Variants in GPM6B observed in about 807,000 individuals in gnomAD.
The protein encoded by GPM6B is neuronal membrane glycoprotein M6-b.
Under a neutral mutation model 27.2 loss-of-function variants are expected in GPM6B, and 4 were observed. That is an observed-to-expected ratio of 0.15 (90% CI 0.07 to 0.34). The LOEUF is 0.34. GPM6B is among the 10% of genes least tolerant of loss of function. GPM6B has a pLI of 1.00. For synonymous variants in GPM6B, 124 were observed against 103.1 expected, an observed-to-expected ratio of 1.20 and a Z score of -1.23; for missense variants, 183 against 261.9, an observed-to-expected ratio of 0.70 and a Z score of 2.08.
At chrX:13,795,622 C>A (rs1406558225) in intron 2 of GPM6B, among the ~76,000 whole-genome samples, 1 of 110,866 alleles carries the variant, frequency 9.0e-6, no homozygotes, top group African/African-American at 3.3e-5. Flanking sequence ...ATATTATTTT[C>A]TTTTTGAAAA....
intron 5 of GPM6B, among the ~76,000 whole-genome samples, chrX:13,778,270 G>A (rs745721002): frequency 4.1e-4 from 45 of 111,054 alleles, no homozygotes; most frequent in African/African-American, 1.3e-3. Context: ...GCTGGTCTTT[G>A]AACTCCCGAC....
intron 1 of GPM6B, among the ~76,000 whole-genome samples, chrX:13,921,220 G>A (rs1244538832): frequency 8.9e-6 from 1 of 112,192 alleles, no homozygotes; most frequent in Non-Finnish European, 1.9e-5. Context: ...CCTGAAAGAT[G>A]CCCTTCAGAA....
chrX:13,877,532 A>T (rs1465930839), intron 1 of GPM6B, among the ~76,000 whole-genome samples: 3 of 110,400 alleles, frequency 2.7e-5, no homozygotes, highest in Admixed American at 9.7e-5. Context: ...CTAATATTTT[A>T]AAAAAATGAA....
chrX:13,846,262 G>A (rs1653499219), intron 1 of GPM6B, among the ~76,000 whole-genome samples: 1 of 110,449 alleles, frequency 9.1e-6, no homozygotes, highest in African/African-American at 3.3e-5. Flanking sequence ...AGCATTTCTA[G>A]GCTCAGTTGT....
At position 13,794,111 on chromosome X, in the gene GPM6B, G is replaced by A. The variant is rs186995809; in HGVS notation, c.182-8303C>T. On this transcript the variant is annotated intron_variant, in intron 2 of 7. Coordinates refer to ENST00000316715, the MANE Select transcript of GPM6B (RefSeq NM_001001995.3). Reference sequence around the variant, plus strand: ...AGGCAGGGTTGAGTTGTTGCCACAGGTATTTACTATGTGGCCCTTTAAAGG... The same window carrying A: ...AGGCAGGGTTGAGTTGTTGCCACAGATATTTACTATGTGGCCCTTTAAAGG... Among the ~76,000 whole-genome samples, 139 of 111,109 alleles carry A rather than the reference G, an allele frequency of 1.3e-3. 1 individual carries two copies. Among genetic ancestry groups the A allele is most frequent in the African/African-American group, 4.4e-3 (134 of 30,624 alleles).
intron 1 of GPM6B, among the ~76,000 whole-genome samples, chrX:13,839,561 T>C (rs1419990592): frequency 9.0e-6 from 1 of 111,137 alleles, no homozygotes; most frequent in Non-Finnish European, 1.9e-5. Flanking sequence ...GAGTCTCCAG[T>C]CATTGATCCT....
intron 1 of GPM6B, among the ~76,000 whole-genome samples, chrX:13,901,232 G>A (rs1232266112): frequency 9.0e-6 from 1 of 111,439 alleles, no homozygotes; most frequent in African/African-American, 3.3e-5. Context: ...AGTGGTCACT[G>A]AGGCAGCTAA....
intron 4 of GPM6B, 94 bp downstream of exon 4, chrX:13,783,271 C>T (rs2048551174): frequency 9.1e-6 from 7 of 765,996 alleles, no homozygotes; most frequent in Admixed American, 6.7e-5. Context: ...CATTCACGCT[C>T]GATACCTGGT....
At chrX:13,899,531 T>C (rs1473643404) in intron 1 of GPM6B, among the ~76,000 whole-genome samples, 1 of 107,321 alleles carries the variant, frequency 9.3e-6, no homozygotes, top group Non-Finnish European at 1.9e-5. Context: ...GATACAAAAA[T>C]GTAGCCTGGG....
At chrX:13,832,836 T>TAGAA (rs1322390100) in intron 1 of GPM6B, among the ~76,000 whole-genome samples, 1 of 111,603 alleles carries the variant, frequency 9.0e-6, no homozygotes, top group Admixed American at 9.6e-5. Context: ...TCCTATTGGG[T>TAGAA]AGAAAGGGCA....
intron 1 of GPM6B, 60 bp downstream of exon 1, chrX:13,816,784 C>T (rs2049242585): frequency 8.6e-7 from 1 of 1,161,546 alleles, no homozygotes; most frequent in African/African-American, 1.8e-5. Context: ...CCCAGCTAAC[C>T]CTTTTTAAGC....
chrX:13,925,671 T>A (rs185882969), intron 1 of GPM6B, among the ~76,000 whole-genome samples: 29 of 110,701 alleles, frequency 2.6e-4, no homozygotes, highest in African/African-American at 9.5e-4. Context: ...TGCAAAAACA[T>A]CTTGGGGTAC....
chrX:13,900,241 T>C (rs1333770142), intron 1 of GPM6B, among the ~76,000 whole-genome samples: 1 of 112,047 alleles, frequency 8.9e-6, no homozygotes, highest in African/African-American at 3.2e-5. Flanking sequence ...TCAGTGACAT[T>C]TACAAAAAGA....
intron 1 of GPM6B, among the ~76,000 whole-genome samples, chrX:13,891,530 C>T (rs981584002): frequency 8.9e-6 from 1 of 112,252 alleles, no homozygotes; most frequent in Non-Finnish European, 1.9e-5. Context: ...CTTTTGGGGG[C>T]GGAAACACAG....
At chrX:13,823,601 C>T (rs1460434000) in intron 1 of GPM6B, among the ~76,000 whole-genome samples, 1 of 108,175 alleles carries the variant, frequency 9.2e-6, no homozygotes, top group East Asian at 2.9e-4. Flanking sequence ...CTCCCTGCAA[C>T]CTCTGCCTCT....
intron 2 of GPM6B, among the ~76,000 whole-genome samples, chrX:13,800,170 G>A (rs1340996035): frequency 9.0e-6 from 1 of 111,597 alleles, no homozygotes; most frequent in Admixed American, 9.5e-5. Flanking sequence ...TAGCTATGGA[G>A]AGCCCACACA....
chrX:13,852,541 G>A (rs777027495), intron 1 of GPM6B, among the ~76,000 whole-genome samples: 74 of 110,842 alleles, frequency 6.7e-4, no homozygotes, highest in African/African-American at 2.3e-3. Context: ...CACACCCTTC[G>A]CCCAGAAAAG....
chrX:13,798,781 G>C (rs181847720), intron 2 of GPM6B, among the ~76,000 whole-genome samples: 1 of 112,730 alleles, frequency 8.9e-6, no homozygotes, highest in African/African-American at 3.2e-5. Context: ...TCAACTCTTG[G>C]TACTATTGGC....
intron 2 of GPM6B, among the ~76,000 whole-genome samples, chrX:13,794,737 T>G (rs919290427): frequency 4.1e-4 from 46 of 111,550 alleles, no homozygotes; most frequent in African/African-American, 1.2e-3. Context: ...CAATAAAAAA[T>G]TATTAATTTG....
Sources: allele counts gnomAD v4.1 joint callset (sites outside exome capture counted in the v4.1 genomes callset), GRCh38; gene constraint gnomAD v4.1.1; transcripts MANE v1.5; gene names NCBI Gene and HGNC (gene_info 2026-07-23, HGNC 2026-07-21).